Variants in CDH12 observed in about 807,000 individuals in gnomAD.
CDH12 encodes the protein cadherin-12.
A neutral mutation model predicts 74.1 loss-of-function variants in CDH12; 41 were observed. That is an observed-to-expected ratio of 0.55 (90% CI 0.43 to 0.72). CDH12 has a LOEUF of 0.72. Ranked by LOEUF, CDH12 falls within the 30% of genes least tolerant of loss-of-function variation. The probability of loss-of-function intolerance (pLI) is 0.00; values close to 1 mark genes in which losing one functional copy is unlikely to be tolerated. For missense variants in CDH12, 945 were observed against 977.2 expected, an observed-to-expected ratio of 0.97 and a Z score of 0.44; for synonymous variants, 399 against 355.0, an observed-to-expected ratio of 1.12 and a Z score of -1.39.
intron 8 of CDH12, among the ~76,000 whole-genome samples, chr5:21,817,980 T>G (rs1748156510): frequency 6.6e-6 from 1 of 151,984 alleles, no homozygotes; most frequent in East Asian, 1.9e-4. Flanking sequence ...ATTTTAAGGT[T>G]TTGTAGAATT....
chr5:21,800,196 G>T (rs985278733), intron 10 of CDH12, among the ~76,000 whole-genome samples: 8 of 152,118 alleles, frequency 5.3e-5, no homozygotes, highest in African/African-American at 1.9e-4. Context: ...GGGATGAATT[G>T]TACCTTTTGT....
chr5:22,169,478 A>T (rs1273144830), intron 4 of CDH12, among the ~76,000 whole-genome samples: 1 of 151,902 alleles, frequency 6.6e-6, no homozygotes, highest in Non-Finnish European at 1.5e-5. Context: ...TAGACCTCTG[A>T]CTTTGAGGAT....
intron 4 of CDH12, among the ~76,000 whole-genome samples, chr5:22,189,807 G>A (rs1232689648): frequency 1.3e-5 from 2 of 151,762 alleles, no homozygotes; most frequent in South Asian, 2.1e-4. Flanking sequence ...GATCTGTGGT[G>A]CATCCAGGGG....
At chr5:22,104,863 C>T (rs1744337289) in intron 4 of CDH12, among the ~76,000 whole-genome samples, 1 of 152,100 alleles carries the variant, frequency 6.6e-6, no homozygotes, top group South Asian at 2.1e-4. Context: ...TACAAAGCCA[C>T]CCATAAACTG....
At chr5:21,759,388 CTA>C (rs1283382895) in intron 13 of CDH12, among the ~76,000 whole-genome samples, 2 of 151,704 alleles carry the variant, frequency 1.3e-5, no homozygotes, top group Non-Finnish European at 1.5e-5. Context: ...TCATTATAAA[CTA>C]TGCAAACCAT....
chr5:22,666,879 TAAAG>T (rs1025641335), intron 1 of CDH12, among the ~76,000 whole-genome samples: 15 of 152,300 alleles, frequency 9.8e-5, no homozygotes, highest in African/African-American at 3.6e-4. Flanking sequence ...CTCTAGTTCT[TAAAG>T]AGAGAAAATA....
At chr5:22,492,990 ATCTC>A (rs1166743637) in intron 2 of CDH12, among the ~76,000 whole-genome samples, 5 of 152,134 alleles carry the variant, frequency 3.3e-5, no homozygotes, top group African/African-American at 1.2e-4. Context: ...TCCTTTCTCA[ATCTC>A]TCTCTGTTTG....
rs191216958 is a variant in CDH12 at position 22,385,187 on chromosome 5, C to T, written c.-333+20070G>A. 2.4e-3 allele frequency among the ~76,000 whole-genome samples: 370 copies of T among 152,118 alleles called. 2 individuals carry two copies. The highest frequency in any genetic ancestry group is 8.6e-3 in the African/African-American group (356 of 41,502). ...ATTCTTTAGATACTTGGATCATTTC[C>T]CAGTAAGAAAAATATATAGATATTG... is the stretch of plus-strand genomic sequence containing the variant. On this transcript the variant is annotated intron_variant, in intron 3 of 14. Coordinates refer to ENST00000382254, the MANE Select transcript of CDH12 (RefSeq NM_004061.5).
intron 1 of CDH12, among the ~76,000 whole-genome samples, chr5:22,605,223 G>C (rs1040489565): frequency 3.3e-5 from 5 of 152,160 alleles, no homozygotes; most frequent in East Asian, 1.9e-4. Context: ...CCGAGGCGTG[G>C]AGCCTGCCTG....
intron 5 of CDH12, among the ~76,000 whole-genome samples, chr5:22,047,054 C>T (rs935014232): frequency 6.6e-6 from 1 of 152,176 alleles, no homozygotes; most frequent in Non-Finnish European, 1.5e-5. Flanking sequence ...ACACACACTA[C>T]TCAGTCACAG....
intron 9 of CDH12, among the ~76,000 whole-genome samples, chr5:21,810,400 T>A (rs1440360080): frequency 6.6e-6 from 1 of 151,928 alleles, no homozygotes; most frequent in East Asian, 1.9e-4. Flanking sequence ...TCTGGAAAAA[T>A]CAGCAACCAG....
At chr5:21,916,420 T>C (rs1754096477) in intron 6 of CDH12, among the ~76,000 whole-genome samples, 1 of 152,212 alleles carries the variant, frequency 6.6e-6, no homozygotes, top group Non-Finnish European at 1.5e-5. Context: ...ATTTTTCTTG[T>C]CTTTGCATTA....
intron 2 of CDH12, among the ~76,000 whole-genome samples, chr5:22,423,462 A>G (rs999633016): frequency 1.3e-5 from 2 of 152,164 alleles, no homozygotes; most frequent in Non-Finnish European, 1.5e-5. Flanking sequence ...TTTCAGAATA[A>G]CTAGGAACAA....
At chr5:22,073,313 C>T (rs916230655) in intron 5 of CDH12, among the ~76,000 whole-genome samples, 4 of 152,130 alleles carry the variant, frequency 2.6e-5, no homozygotes, top group Admixed American at 6.6e-5. Context: ...GAAATGACAA[C>T]TCAATTTCCT....
At chr5:22,226,710 T>C (rs1161223539) in intron 3 of CDH12, among the ~76,000 whole-genome samples, 2 of 152,138 alleles carry the variant, frequency 1.3e-5, no homozygotes, top group Admixed American at 1.3e-4. Flanking sequence ...ATGAACACCG[T>C]GTCCACTGTA....
At chr5:22,771,704 A>G (rs1176723396) in intron 1 of CDH12, among the ~76,000 whole-genome samples, 1 of 152,106 alleles carries the variant, frequency 6.6e-6, no homozygotes, top group Non-Finnish European at 1.5e-5. Flanking sequence ...TTAATTTCTA[A>G]TTATTTTTCT....
chr5:21,957,623 T>G (rs1397538355), intron 6 of CDH12, among the ~76,000 whole-genome samples: 1 of 152,148 alleles, frequency 6.6e-6, no homozygotes, highest in Non-Finnish European at 1.5e-5. Context: ...GGTATGAAAT[T>G]ATATTTCATT....
intron 6 of CDH12, among the ~76,000 whole-genome samples, chr5:21,927,539 C>T (rs977468208): frequency 7.2e-5 from 11 of 151,930 alleles, no homozygotes; most frequent in Admixed American, 3.9e-4. Context: ...TGCAGTGACC[C>T]AAGATTGTGC....
intron 1 of CDH12, among the ~76,000 whole-genome samples, chr5:22,625,017 G>A (rs924716269): frequency 3.9e-5 from 6 of 152,098 alleles, no homozygotes; most frequent in East Asian, 3.9e-4. Flanking sequence ...GTAGGGACAC[G>A]GATGAAGCTA....
Sources: allele counts gnomAD v4.1 joint callset (sites outside exome capture counted in the v4.1 genomes callset), GRCh38; gene constraint gnomAD v4.1.1; transcripts MANE v1.5; gene names NCBI Gene and HGNC (gene_info 2026-07-23, HGNC 2026-07-21).